Variants in SAMD12 observed in about 807,000 individuals in gnomAD.
SAMD12 encodes sterile alpha motif domain-containing protein 12.
SAMD12 carries 9 observed loss-of-function variants against 15.0 expected under a neutral mutation model. The ratio of observed to expected loss-of-function variants is 0.60; its 90% CI spans 0.36 to 1.05. SAMD12 has a LOEUF of 1.05. Ranked by LOEUF, SAMD12 falls within the 50% of genes least tolerant of loss-of-function variation. The pLI is 0.01. For missense variants in SAMD12, 230 were observed against 234.2 expected (o/e 0.98, Z 0.12); for synonymous variants, 86 against 90.1 (o/e 0.96, Z 0.25).
intron 2 of SAMD12, among the ~76,000 whole-genome samples, chr8:118,467,366 T>A (rs1407827811): frequency 6.6e-6 from 1 of 152,216 alleles, no homozygotes; most frequent in African/African-American, 2.4e-5. Context: ...CTAAGTGATA[T>A]AATCCACGTA....
intron 4 of SAMD12, among the ~76,000 whole-genome samples, chr8:118,198,382 T>C (rs941630524): frequency 2.0e-5 from 3 of 152,220 alleles, no homozygotes; most frequent in Admixed American, 2.0e-4. Context: ...TGTTCTAATT[T>C]AAATTGTCTA....
chr8:118,616,868 G>A (rs1828251789), intron 1 of SAMD12, among the ~76,000 whole-genome samples: 1 of 152,202 alleles, frequency 6.6e-6, no homozygotes. Flanking sequence ...ATTCTCAGAG[G>A]AGTGCAAACC....
intron 2 of SAMD12, among the ~76,000 whole-genome samples, chr8:118,450,284 G>A (rs1383238464): frequency 1.3e-5 from 2 of 152,180 alleles, no homozygotes; most frequent in Non-Finnish European, 2.9e-5. Flanking sequence ...GAAACAAGAC[G>A]TCCTGGCAGC....
chr8:118,243,232 A>G (rs926106277), intron 4 of SAMD12, among the ~76,000 whole-genome samples: 1 of 152,170 alleles, frequency 6.6e-6, no homozygotes, highest in Non-Finnish European at 1.5e-5. Context: ...TATGGATTGC[A>G]TATATATCCA....
At chr8:118,258,089 TTCTC>T (rs1812994994) in intron 4 of SAMD12, among the ~76,000 whole-genome samples, 1 of 152,106 alleles carries the variant, frequency 6.6e-6, no homozygotes, top group Non-Finnish European at 1.5e-5. Flanking sequence ...GTCTTGACCT[TTCTC>T]TCTGTCCTTT....
intron 3 of SAMD12, among the ~76,000 whole-genome samples, chr8:118,411,437 T>C (rs1187419449): frequency 1.3e-5 from 2 of 152,302 alleles, no homozygotes; most frequent in East Asian, 3.9e-4. Flanking sequence ...ATGAAACTAC[T>C]TTTTAACATG....
chr8:118,172,510 A>G, the SAMD12 span, among the ~76,000 whole-genome samples: 2 of 152,312 alleles, frequency 1.3e-5, no homozygotes, highest in East Asian at 3.9e-4. Flanking sequence ...GGAAATTTGG[A>G]TGGGAATGTA....
At chr8:118,279,380 A>G (rs1813553635) in intron 4 of SAMD12, among the ~76,000 whole-genome samples, 1 of 152,190 alleles carries the variant, frequency 6.6e-6, no homozygotes, top group Admixed American at 6.5e-5. Flanking sequence ...ACACCTTCCC[A>G]TGCTTTTTAC....
chr8:118,279,350 C>G lies in SAMD12; in HGVS notation c.434-81618G>C, dbSNP rs1053430167. ...AGTCTTATATTATTAATTGAATACA[C>G]ATGAAAAAAAAATACCCTAACACCT... On this transcript the variant is annotated intron_variant, in intron 4 of 4. Coordinates refer to the SAMD12 transcript ENST00000409003. Among the ~76,000 whole-genome samples the G allele has an allele frequency of 2.0e-5, 3 of 151,946 alleles. No homozygotes were observed. The East Asian group carries it at 5.8e-4, about 29-fold the overall frequency.
intron 3 of SAMD12, among the ~76,000 whole-genome samples, chr8:118,391,157 G>T (rs1342143510): frequency 6.6e-6 from 1 of 152,130 alleles, no homozygotes; most frequent in East Asian, 1.9e-4. Flanking sequence ...AACCCTAAAA[G>T]ATTTTGTTTG....
chr8:118,290,248 C>T (rs1024315569), intron 4 of SAMD12, among the ~76,000 whole-genome samples: 1 of 152,224 alleles, frequency 6.6e-6, no homozygotes, highest in Non-Finnish European at 1.5e-5. Flanking sequence ...TGCAGTCACA[C>T]TTCCAAAATC....
intron 3 of SAMD12, among the ~76,000 whole-genome samples, chr8:118,395,207 T>G (rs1382741714): frequency 1.3e-5 from 2 of 152,164 alleles, no homozygotes; most frequent in Non-Finnish European, 2.9e-5. Context: ...CTTTATACCC[T>G]CAGGTGAAAT....
At chr8:118,327,039 C>T (rs565049644) in intron 4 of SAMD12, among the ~76,000 whole-genome samples, 1 of 152,348 alleles carries the variant, frequency 6.6e-6, no homozygotes, top group Non-Finnish European at 1.5e-5. Flanking sequence ...TGATCCCCCA[C>T]AGATGCACTA....
intron 2 of SAMD12, among the ~76,000 whole-genome samples, chr8:118,531,032 G>C (rs555511535): frequency 6.4e-4 from 98 of 152,286 alleles, no homozygotes; most frequent in African/African-American, 2.1e-3. Flanking sequence ...GTAATGCCTA[G>C]GTTTTCTTCT....
At chr8:118,277,168 A>G (rs1453454951) in intron 4 of SAMD12, among the ~76,000 whole-genome samples, 2 of 152,132 alleles carry the variant, frequency 1.3e-5, no homozygotes, top group African/African-American at 4.8e-5. Context: ...TTTTTTGTGA[A>G]GGACAGCTGA....
chr8:118,571,561 CG>C (rs1396438867), intron 2 of SAMD12, among the ~76,000 whole-genome samples: 1 of 152,186 alleles, frequency 6.6e-6, no homozygotes, highest in Non-Finnish European at 1.5e-5. Flanking sequence ...TTTTGTGGGC[CG>C]GGCCCAGGGT....
chr8:118,450,578 C>T (rs1402841472), intron 2 of SAMD12, among the ~76,000 whole-genome samples: 2 of 152,114 alleles, frequency 1.3e-5, no homozygotes, highest in Admixed American at 1.3e-4. Context: ...AAAAACGAAC[C>T]ATAAAAATTG....
intron 2 of SAMD12, among the ~76,000 whole-genome samples, chr8:118,482,847 T>G (rs1824166780): frequency 6.6e-6 from 1 of 152,206 alleles, no homozygotes; most frequent in African/African-American, 2.4e-5. Context: ...ATAAAATTCC[T>G]TGAGAAAAGG....
At chr8:118,338,828 T>C (rs1001460970) in intron 4 of SAMD12, among the ~76,000 whole-genome samples, 9 of 152,216 alleles carry the variant, frequency 5.9e-5, no homozygotes, top group African/African-American at 1.9e-4. Context: ...AACCTCATGT[T>C]TTTGTTATTT....
Sources: allele counts gnomAD v4.1 joint callset (sites outside exome capture counted in the v4.1 genomes callset), GRCh38; gene constraint gnomAD v4.1.1; transcripts MANE v1.5; gene names NCBI Gene and HGNC (gene_info 2026-07-23, HGNC 2026-07-21).